Variants in ZMYM6 observed in about 807,000 individuals in gnomAD.
ZMYM6 encodes the protein zinc finger MYM-type containing 6.
In ZMYM6, 90 loss-of-function variants were observed where a neutral mutation model predicts 134.0. That is an observed-to-expected ratio of 0.67 (90% CI 0.57 to 0.80). The LOEUF (loss-of-function observed/expected upper bound fraction) is 0.80, where lower values mean the gene tolerates loss of function less well. ZMYM6 is among the 30% of genes least tolerant of loss of function. The pLI is 0.00. For synonymous variants in ZMYM6, 481 were observed against 524.1 expected, an observed-to-expected ratio of 0.92 and a Z score of 1.12; for missense variants, 1,362 against 1,533.9, an observed-to-expected ratio of 0.89 and a Z score of 1.87.
rs2148458358 is a variant in ZMYM6, at chr1:35,019,725, T to C, written c.179-123A>G. On this transcript the variant is annotated intron_variant, in intron 3 of 15. Transcript: ENST00000357182. Reference sequence around the variant, plus strand: ...GGTCTCACTGTCACCCAGGCTGGAGTGCAGTGGTGCAATCAAGGCTCACTG... The same window carrying C: ...GGTCTCACTGTCACCCAGGCTGGAGCGCAGTGGTGCAATCAAGGCTCACTG... The C allele has an allele frequency of 3.4e-6, 4 of 1,171,708 alleles. No individual in the cohort carries two copies. In the East Asian group the frequency reaches 7.8e-5, roughly 23 times the overall value. The allele number at this position is 1,171,708 out of a possible 1,614,324, so 72.6% of individuals were successfully genotyped here.
At chr1:35,000,155 C>T (rs1475765867) in intron 14 of ZMYM6, among the ~76,000 whole-genome samples, 1 of 152,102 alleles carries the variant, frequency 6.6e-6, no homozygotes, top group East Asian at 1.9e-4. Flanking sequence ...AGGCTGGTCT[C>T]AAACTCCTGG....
In ZMYM6 at chr1:35,030,550, A is replaced by T; in HGVS notation, c.90T>A (p.Ala30=). 2 of 1,606,920 alleles carry T rather than the reference A, an allele frequency of 1.2e-6. No individual in the cohort carries two copies. Among genetic ancestry groups the T allele is most frequent in the South Asian group, 2.2e-5 (2 of 89,690 alleles). Residue 30 remains alanine, a synonymous_variant, in exon 2 of 16, where the codon GCT becomes GCA. Transcript: ENST00000357182. ...TAAATGAAGATGAAATGCTTACTTG[A>T]GCATTGTCTGGTTCTTCTTTAATTT... The part of the protein sequence containing the change: ...LDKIKEEPDN[A]QEYGCVQQPK...
At chr1:35,026,569 T>C (rs907010557) in intron 2 of ZMYM6, among the ~76,000 whole-genome samples, 3 of 152,170 alleles carry the variant, frequency 2.0e-5, no homozygotes, top group African/African-American at 7.2e-5. Flanking sequence ...CTCTTAAATA[T>C]ACAATCTAAG....
In ZMYM6 at chr1:35,010,744, T is replaced by C. The variant is rs1483552527; in HGVS notation, c.1341+14A>G. ...ATGAGTTTATATACAATCCCTTTCA[T>C]GATCTCTCTTTACCTTGTAAAAAAG... On this transcript the variant is annotated intron_variant, in intron 9 of 15. Transcript: ENST00000357182. The C allele has an allele frequency of 1.3e-6, 2 of 1,540,880 alleles. No individual in the cohort carries two copies. Among genetic ancestry groups the C allele is most frequent in the South Asian group, 1.3e-5 (1 of 76,932 alleles).
chr1:35,022,730 T>C (rs1641332655), intron 2 of ZMYM6, among the ~76,000 whole-genome samples: 1 of 151,720 alleles, frequency 6.6e-6, no homozygotes, highest in East Asian at 1.9e-4. Flanking sequence ...AATCATTTCA[T>C]TGCTTATTTG....
At chr1:34,999,107 C>T (rs2148446700) in intron 14 of ZMYM6, among the ~76,000 whole-genome samples, 1 of 152,056 alleles carries the variant, frequency 6.6e-6, no homozygotes, top group East Asian at 1.9e-4. Context: ...CTGTCTCAAT[C>T]AGTAAATAAA....
chr1:35,008,400 G>A (rs80217726), intron 11 of ZMYM6, among the ~76,000 whole-genome samples: 1 of 152,190 alleles, frequency 6.6e-6, no homozygotes, highest in South Asian at 2.1e-4. Flanking sequence ...GACCTATGAA[G>A]TGAGACAAGG....
At position 35,011,034 on chromosome 1, in the gene ZMYM6, A is replaced by C. The variant is rs1197042494; in HGVS notation, c.1065T>G (p.Asn355Lys). 1 of 1,611,522 alleles carries C rather than the reference A, an allele frequency of 6.2e-7. No individual in the cohort carries two copies. Among genetic ancestry groups the C allele is most frequent in the Non-Finnish European group, 8.5e-7 (1 of 1,179,436 alleles). The change falls in exon 9 of 16, where the codon AAT becomes AAG. Residue 355 changes from asparagine (N) to lysine (K), a missense_variant and splice_region_variant. Asn to Lys is a moderately conservative substitution (Grantham distance 94). Around this residue, in one of 3 missense-constraint regions of ZMYM6, gnomAD observed 503 missense variants for 520.8 expected, o/e 0.97. Transcript: ENST00000357182. ...CSSSCVVAFQ[N>K]VFSKPKGTNS... is the part of the protein sequence containing the mutation. ...TTGTTCCTTTTGGCTTGCTAAATAC[A>C]TTCTGAATGAAAACAAATAAGGTAA...
Position 35,019,558 on chromosome 1 carries a change from C to T in ZMYM6, c.223G>A (p.Gly75Ser), listed in dbSNP as rs1367525416. The T allele has an allele frequency of 6.2e-6, 10 of 1,607,974 alleles. No homozygotes were observed. Residue 75 changes from glycine to serine, a missense_variant, in exon 4 of 16, where the codon GGC becomes AGC. This residue lies in a region of ZMYM6 where 503 missense variants were observed against 520.8 expected (regional missense o/e 0.97). Transcript: ENST00000357182. ...PGFQLSFASS[G>S]PSVLLPSVPA... ...ACTGAAGGAAGCAACACACTTGGGC[C>T]AGATGATGCAAAAGAAAGCTGAAAG...
At position 35,020,625 on chromosome 1, in the gene ZMYM6, T is replaced by G. The variant is rs188712172; in HGVS notation, c.94-158A>C. On this transcript the variant is annotated intron_variant, in intron 2 of 15. Transcript: ENST00000357182. ...TCTCACTTGGGTGCCCAGGCTGAAG[T>G]GCAGTGGCGCGATCTCAGCTCGTTG... Among the ~76,000 whole-genome samples, 5 of 147,992 alleles carry G rather than the reference T, an allele frequency of 3.4e-5. No homozygotes were observed. In the East Asian group the frequency reaches 1.0e-3, roughly 30 times the overall value.
At chr1:35,031,784 T>G (rs200021986) in intron 1 of ZMYM6, 31 bp downstream of exon 1, 4 of 152,446 alleles carry the variant, frequency 2.6e-5, no homozygotes, top group African/African-American at 7.2e-5. Flanking sequence ...CGCCCCGCCG[T>G]CCCGCCCACT....
At chr1:35,005,364 C>T (rs1246725422) in intron 12 of ZMYM6, 92 bp from the exon 13 acceptor site, 1 of 1,349,820 alleles carries the variant, frequency 7.4e-7, no homozygotes, top group African/African-American at 1.5e-5. Context: ...TGTTTAGTAA[C>T]TAGGTTTTCA....
chr1:35,001,659 T>A (rs1557566267), intron 14 of ZMYM6, among the ~76,000 whole-genome samples: 1 of 152,220 alleles, frequency 6.6e-6, no homozygotes, highest in Non-Finnish European at 1.5e-5. Flanking sequence ...CAGTGATTTA[T>A]TATGTAATTT....
At chr1:35,013,310 C>T in intron 6 of ZMYM6, 2 of 922,986 alleles carry the variant, frequency 2.2e-6, no homozygotes, top group South Asian at 1.0e-4. Flanking sequence ...TTTCATCAGG[C>T]TCCAAAGTTC....
intron 4 of ZMYM6, among the ~76,000 whole-genome samples, chr1:35,015,632 G>A (rs1641168183): frequency 6.7e-6 from 1 of 148,562 alleles, no homozygotes; most frequent in African/African-American, 2.5e-5. Context: ...GCTGAGGCAG[G>A]AGAATCACTT....
chr1:35,020,829 C>T (rs1023934554), intron 2 of ZMYM6, among the ~76,000 whole-genome samples: 1 of 151,998 alleles, frequency 6.6e-6, no homozygotes, highest in Admixed American at 6.6e-5. Flanking sequence ...CCTCAGCCTC[C>T]CAAAGTGCTG....
intron 2 of ZMYM6, among the ~76,000 whole-genome samples, chr1:35,021,429 G>A (rs915247532): frequency 6.6e-6 from 1 of 152,044 alleles, no homozygotes; most frequent in Non-Finnish European, 1.5e-5. Flanking sequence ...ACAGGTGTGA[G>A]CCACTGCACC....
chr1:35,017,164 T>G (rs1392528963), intron 4 of ZMYM6: 1 of 152,208 alleles, frequency 6.6e-6, no homozygotes, highest in Non-Finnish European at 1.5e-5. Context: ...CTGATTCTAG[T>G]CTATGGAATT....
Position 34,992,298 on chromosome 1 carries a change from T to C in ZMYM6, c.2082A>G (p.Lys694=). The change falls in exon 15 of 16, where the codon AAA becomes AAG. Residue 694 remains lysine, a synonymous_variant. Transcript: ENST00000357182. ...RLLKNKGISC[K]PVTQTKATSC... Reference sequence around the variant, plus strand: ...AAGTGGCCTTGGTCTGTGTGACGGGTTTGCATGATATGCCTTTGTTCTTTA... The same window carrying C: ...AAGTGGCCTTGGTCTGTGTGACGGGCTTGCATGATATGCCTTTGTTCTTTA... 1 of 1,614,120 alleles carries C rather than the reference T, an allele frequency of 6.2e-7. No individual in the cohort carries two copies. Among genetic ancestry groups the C allele is most frequent in the South Asian group, 1.1e-5 (1 of 91,090 alleles).
Sources: gnomAD v4.1 joint callset for allele counts (sites outside exome capture counted in the v4.1 genomes callset) on GRCh38, gnomAD v4.1.1 for gene constraint, gnomAD v4.1.1 regional missense constraint, MANE v1.5 for transcripts, NCBI Gene and HGNC (gene_info 2026-07-23, HGNC 2026-07-21) for gene names.